The following DOCK5 variants were observed in gnomAD, a reference collection of about 807,000 sequenced individuals.
The protein encoded by DOCK5 is dedicator of cytokinesis 5.
Under a neutral mutation model 251.8 loss-of-function variants are expected in DOCK5, and 142 were observed. The observed-to-expected ratio is 0.56, with a 90% CI of 0.49 to 0.65. The LOEUF is 0.65. Among genes scored for constraint, DOCK5 ranks in the 30% least tolerant of loss-of-function variants. The pLI is 0.00. For missense variants in DOCK5, 2,111 were observed against 2,312.3 expected (o/e 0.91, Z 1.79); for synonymous variants, 842 against 835.5 (o/e 1.01, Z -0.13).
chr8:25,263,640 C>G (rs1803651961), intron 2 of DOCK5, among the ~76,000 whole-genome samples: 1 of 151,704 alleles, frequency 6.6e-6, no homozygotes, highest in Non-Finnish European at 1.5e-5. Flanking sequence ...GCTCAGCTAT[C>G]CGAGGCCAGT....
At chr8:25,185,115 C>T (rs73556361) in intron 1 of DOCK5, among the ~76,000 whole-genome samples, 164 bp downstream of exon 1, 1 of 152,106 alleles carries the variant, frequency 6.6e-6, no homozygotes, top group Non-Finnish European at 1.5e-5. Flanking sequence ...CTCCAGGGAG[C>T]GCCGATGGGG....
At chr8:25,374,467 A>G in intron 36 of DOCK5, 97 bp from the exon 37 acceptor site, 1 of 1,159,928 alleles carries the variant, frequency 8.6e-7, no homozygotes, top group Admixed American at 2.2e-5. Context: ...TGCATACTGC[A>G]GCCTGGGCAA....
intron 1 of DOCK5, among the ~76,000 whole-genome samples, chr8:25,216,020 C>A (rs1414367787): frequency 1.3e-5 from 2 of 149,452 alleles, no homozygotes; most frequent in East Asian, 2.0e-4. Flanking sequence ...TATATGTATA[C>A]AACATGTATA....
intron 42 of DOCK5, among the ~76,000 whole-genome samples, chr8:25,391,498 C>T (rs755348658): frequency 2.6e-4 from 39 of 151,878 alleles, no homozygotes; most frequent in Non-Finnish European, 5.1e-4. Context: ...ATTAGCCAGT[C>T]GTGATGGTGC....
intron 38 of DOCK5, 63 bp from the exon 39 acceptor site, chr8:25,380,242 T>C: frequency 2.1e-6 from 3 of 1,462,964 alleles, no homozygotes; most frequent in Non-Finnish European, 2.8e-6. Context: ...GCCAGTGGCT[T>C]TTGCCACTGA....
At chr8:25,363,217 T>A (rs997413569) in intron 29 of DOCK5, 76 bp downstream of exon 29, 1 of 1,236,106 alleles carries the variant, frequency 8.1e-7, no homozygotes, top group Admixed American at 1.8e-5. Flanking sequence ...GGGAAATGTC[T>A]TTAAATCCCT....
Position 25,413,457 on chromosome 8 carries a change from A to C in DOCK5, c.*2159A>C, listed in dbSNP as rs1801663960. 1 of 152,228 alleles carries C rather than the reference A, an allele frequency of 6.6e-6. No homozygotes were observed. Among genetic ancestry groups the C allele is most frequent in the Non-Finnish European group, 1.5e-5 (1 of 68,052 alleles). The allele number at this position is 152,228 out of a possible 1,614,324, so 9.4% of individuals were successfully genotyped here. A position where few individuals can be genotyped will look rare whatever the true frequency, so the allele number is the denominator to read the frequency against. On this transcript the variant is annotated 3_prime_UTR_variant, in exon 52 of 52. Coordinates refer to ENST00000276440, the MANE Select transcript of DOCK5 (RefSeq NM_024940.8). Reference sequence around the variant, plus strand: ...GAACTCAAGCTGTAGAGAAAGGAGGAGGCAACAGACAGGATATGTAGGGGC... The same window carrying C: ...GAACTCAAGCTGTAGAGAAAGGAGGCGGCAACAGACAGGATATGTAGGGGC...
intron 11 of DOCK5, among the ~76,000 whole-genome samples, chr8:25,306,430 G>A (rs904061377): frequency 2.0e-5 from 3 of 152,032 alleles, no homozygotes; most frequent in African/African-American, 7.2e-5. Flanking sequence ...TTTAGGTCCG[G>A]GCGCATAGGC....
intron 37 of DOCK5, chr8:25,375,690 A>G (rs1406083303): frequency 3.1e-6 from 3 of 983,464 alleles, no homozygotes; most frequent in Admixed American, 1.2e-4. Flanking sequence ...ATTTTATACT[A>G]AAGTAATATA....
At chr8:25,351,505 GCA>G in intron 26 of DOCK5, 1 of 487,370 alleles carries the variant, frequency 2.1e-6, no homozygotes, top group Non-Finnish European at 3.7e-6. Flanking sequence ...ACTCATCCCT[GCA>G]CAGCCACATT....
At chr8:25,195,050 AGCTGGGACTACAGGT>A (rs1196560038) in intron 1 of DOCK5, among the ~76,000 whole-genome samples, 1 of 151,684 alleles carries the variant, frequency 6.6e-6, no homozygotes, top group African/African-American at 2.4e-5. Context: ...CCTCCCGAGT[AGCTGGGACTACAGGT>A]GCGCATCACC....
At chr8:25,284,701 C>G (rs886189721) in intron 5 of DOCK5, among the ~76,000 whole-genome samples, 5 of 152,240 alleles carry the variant, frequency 3.3e-5, no homozygotes, top group Admixed American at 3.3e-4. Flanking sequence ...CATGCAGTGA[C>G]TTAGACACGG....
At chr8:25,380,854 G>GT (rs1801052675) in intron 39 of DOCK5, among the ~76,000 whole-genome samples, 27 of 151,864 alleles carry the variant, frequency 1.8e-4, no homozygotes, top group Admixed American at 1.8e-3. Flanking sequence ...AATGCCCAGT[G>GT]GAGGCAGCCA....
chr8:25,260,885 T>A (rs552241371), intron 2 of DOCK5, among the ~76,000 whole-genome samples: 51 of 152,132 alleles, frequency 3.4e-4, no homozygotes, highest in Non-Finnish European at 5.3e-4. Flanking sequence ...AGCCTCCAAC[T>A]TCTGGGCTCA....
intron 1 of DOCK5, among the ~76,000 whole-genome samples, chr8:25,232,644 C>A (rs555898961): frequency 2.0e-5 from 3 of 152,192 alleles, no homozygotes; most frequent in African/African-American, 7.2e-5. Flanking sequence ...CTCTCTGGGG[C>A]CTTTTATAAG....
chr8:25,253,722 T>TAA (rs1433320046), intron 2 of DOCK5, among the ~76,000 whole-genome samples: 2 of 152,354 alleles, frequency 1.3e-5, no homozygotes, highest in East Asian at 3.9e-4. Flanking sequence ...TTATTATCTT[T>TAA]AAAAGCATAT....
At chr8:25,311,641 G>T (rs1316061037) in intron 13 of DOCK5, among the ~76,000 whole-genome samples, 1 of 152,016 alleles carries the variant, frequency 6.6e-6, no homozygotes, top group Non-Finnish European at 1.5e-5. Flanking sequence ...GTTATTTTAG[G>T]CCAGGCATGG....
At chr8:25,257,637 C>T (rs894721566) in intron 2 of DOCK5, among the ~76,000 whole-genome samples, 7 of 152,292 alleles carry the variant, frequency 4.6e-5, no homozygotes, top group Admixed American at 2.6e-4. Flanking sequence ...GGCACACAAA[C>T]TTGCCACTCT....
At chr8:25,213,880 G>T (rs1419139391) in intron 1 of DOCK5, among the ~76,000 whole-genome samples, 2 of 152,206 alleles carry the variant, frequency 1.3e-5, no homozygotes, top group Non-Finnish European at 2.9e-5. Flanking sequence ...GTTACAGGTT[G>T]TGTGTCCCTT....
Sources: gnomAD v4.1 joint callset for allele counts (sites outside exome capture counted in the v4.1 genomes callset) on GRCh38, gnomAD v4.1.1 for gene constraint, MANE v1.5 for transcripts, NCBI Gene and HGNC (gene_info 2026-07-23, HGNC 2026-07-21) for gene names.